RFX3: variants seen among roughly 807,000 people sequenced by gnomAD.
The protein encoded by RFX3 is transcription factor RFX3.
RFX3 carries 14 observed loss-of-function variants against 98.6 expected under a neutral mutation model. The ratio of observed to expected loss-of-function variants is 0.14; its 90% CI spans 0.09 to 0.22. The LOEUF is 0.22. Among genes scored for constraint, RFX3 ranks in the 10% least tolerant of loss-of-function variants. The pLI, the probability that RFX3 is intolerant of heterozygous loss-of-function variation, is 1.00. For missense variants in RFX3, 639 were observed against 926.9 expected, an observed-to-expected ratio of 0.69 and a Z score of 4.03; for synonymous variants, 383 against 328.4, an observed-to-expected ratio of 1.17 and a Z score of -1.80.
intron 14 of RFX3, among the ~76,000 whole-genome samples, chr9:3,256,309 T>C (rs1377905096): frequency 6.7e-6 from 1 of 150,030 alleles, no homozygotes; most frequent in Non-Finnish European, 1.5e-5. Flanking sequence ...TTTGATTTAG[T>C]AGGTCTTGGG....
At chr9:3,487,833 G>C (rs945812129) in intron 1 of RFX3, among the ~76,000 whole-genome samples, 1 of 152,114 alleles carries the variant, frequency 6.6e-6, no homozygotes, top group African/African-American at 2.4e-5. Context: ...ACAAATTCTA[G>C]AGTAAGAGTC....
At chr9:3,301,426 C>A (rs990901347) in intron 5 of RFX3, 120 bp downstream of exon 5, 3 of 600,490 alleles carry the variant, frequency 5.0e-6, no homozygotes, top group Admixed American at 5.0e-5. Flanking sequence ...TCATAAGGGG[C>A]TGAGAAGGGA....
At chr9:3,438,425 C>T (rs1845342136) in intron 1 of RFX3, among the ~76,000 whole-genome samples, 1 of 151,122 alleles carries the variant, frequency 6.6e-6, no homozygotes. Context: ...GTCTAGAAAC[C>T]ATGAAAAATA....
chr9:3,503,791 C>T (rs903474667), intron 1 of RFX3, among the ~76,000 whole-genome samples: 3 of 151,932 alleles, frequency 2.0e-5, no homozygotes, highest in Non-Finnish European at 4.4e-5. Context: ...TAAACAATGA[C>T]ATTGTTTCAT....
intron 15 of RFX3, among the ~76,000 whole-genome samples, chr9:3,238,797 G>T (rs1339438014): frequency 2.0e-5 from 3 of 152,132 alleles, no homozygotes; most frequent in Non-Finnish European, 4.4e-5. Context: ...ACACCAGCCT[G>T]ACCGACATGG....
At chr9:3,385,513 G>C (rs1587443950) in intron 2 of RFX3, among the ~76,000 whole-genome samples, 1 of 151,804 alleles carries the variant, frequency 6.6e-6, no homozygotes, top group African/African-American at 2.4e-5. Flanking sequence ...TTCAAGACTA[G>C]CCTGGCCAAC....
chr9:3,293,321 C>T (rs1827612908), intron 5 of RFX3, 63 bp from the exon 6 acceptor site: 1 of 1,211,674 alleles, frequency 8.3e-7, no homozygotes, highest in Admixed American at 2.3e-5. Flanking sequence ...TTCTACAAGA[C>T]ACTGCAAATG....
intron 2 of RFX3, among the ~76,000 whole-genome samples, chr9:3,373,942 G>C (rs1838142279): frequency 6.6e-6 from 1 of 152,084 alleles, no homozygotes; most frequent in South Asian, 2.1e-4. Flanking sequence ...GCCAGGAGTG[G>C]TGGCATGCGC....
chr9:3,514,591 G>A (rs563198230), intron 1 of RFX3, among the ~76,000 whole-genome samples: 242 of 152,226 alleles, frequency 1.6e-3, no homozygotes, highest in African/African-American at 5.5e-3. Flanking sequence ...TGGTACTACA[G>A]GCAGGCACCA....
chr9:3,525,252 C>A (rs1819146068), intron 1 of RFX3, among the ~76,000 whole-genome samples: 1 of 152,180 alleles, frequency 6.6e-6, no homozygotes, highest in African/African-American at 2.4e-5. Context: ...CAACAAAACA[C>A]CACCTCTTGG....
At chr9:3,347,916 G>C (rs758804390) in intron 2 of RFX3, among the ~76,000 whole-genome samples, 19 of 152,110 alleles carry the variant, frequency 1.2e-4, no homozygotes, top group Non-Finnish European at 2.6e-4. Context: ...TTTTTAGCTG[G>C]AACACAATAA....
chr9:3,455,811 T>C (rs2132953386), intron 1 of RFX3, among the ~76,000 whole-genome samples: 1 of 152,356 alleles, frequency 6.6e-6, no homozygotes, highest in East Asian at 1.9e-4. Context: ...AAACCATAAA[T>C]GAATACAATG....
At chr9:3,324,563 C>T (rs751616143) in intron 4 of RFX3, among the ~76,000 whole-genome samples, 7 of 142,452 alleles carry the variant, frequency 4.9e-5, no homozygotes, top group South Asian at 4.4e-4. Flanking sequence ...AAGCAAGATG[C>T]GGCATTTTTC....
intron 2 of RFX3, among the ~76,000 whole-genome samples, chr9:3,384,550 A>G (rs2131754573): frequency 6.6e-6 from 1 of 152,312 alleles, no homozygotes; most frequent in East Asian, 1.9e-4. Context: ...TTGAGAAATA[A>G]TGAGCCATGC....
chr9:3,377,088 T>C (rs1325536961), intron 2 of RFX3, among the ~76,000 whole-genome samples: 1 of 152,196 alleles, frequency 6.6e-6, no homozygotes, highest in African/African-American at 2.4e-5. Context: ...GCCATCCCAT[T>C]ACTGGGTACA....
chr9:3,324,066 G>A (rs1263053914), intron 4 of RFX3: 1 of 447,116 alleles, frequency 2.2e-6, no homozygotes, highest in Admixed American at 2.4e-5. Context: ...TAATCTGTCT[G>A]AGGAGTTTCA....
chr9:3,373,474 T>C (rs746385247), intron 2 of RFX3, among the ~76,000 whole-genome samples: 1 of 152,180 alleles, frequency 6.6e-6, no homozygotes, highest in Non-Finnish European at 1.5e-5. Context: ...AACTGTTAAA[T>C]AGAGAATTAA....
intron 1 of RFX3, among the ~76,000 whole-genome samples, chr9:3,437,476 A>G (rs1686394669): frequency 6.6e-6 from 1 of 152,090 alleles, no homozygotes; most frequent in African/African-American, 2.4e-5. Context: ...AGCTTCTAGA[A>G]ACTAGAGGTG....
chr9:3,488,018 G>A (rs1229860436), intron 1 of RFX3, among the ~76,000 whole-genome samples: 2 of 152,160 alleles, frequency 1.3e-5, no homozygotes, highest in South Asian at 4.1e-4. Flanking sequence ...GAAAATATGA[G>A]GCGTATTATA....
Sources: gnomAD v4.1 joint callset for allele counts (sites outside exome capture counted in the v4.1 genomes callset) on GRCh38, gnomAD v4.1.1 for gene constraint, MANE v1.5 for transcripts, NCBI Gene and HGNC (gene_info 2026-07-23, HGNC 2026-07-21) for gene names.